COL4A1: variants seen among roughly 807,000 people sequenced by gnomAD.
COL4A1 encodes collagen alpha-1(IV) chain.
A neutral mutation model predicts 216.6 loss-of-function variants in COL4A1; 40 were observed. That is an observed-to-expected ratio of 0.18 (90% confidence interval 0.14 to 0.24). The LOEUF is 0.24. Among genes scored for constraint, COL4A1 ranks in the 10% least tolerant of loss-of-function variants. The pLI, the probability that COL4A1 is intolerant of heterozygous loss-of-function variation, is 1.00. For missense variants in COL4A1, 1,628 were observed against 2,196.8 expected, an observed-to-expected ratio of 0.74 and a Z score of 5.18; for synonymous variants, 839 against 810.7, an observed-to-expected ratio of 1.03 and a Z score of -0.59.
intron 1 of COL4A1, among the ~76,000 whole-genome samples, chr13:110,264,884 C>T (rs555912404): frequency 3.3e-4 from 50 of 152,220 alleles, no homozygotes; most frequent in Non-Finnish European, 6.0e-4. Context: ...ACCACGTGAT[C>T]CCAGGGCATT....
chr13:110,259,524 C>T (rs1882731614), intron 1 of COL4A1, among the ~76,000 whole-genome samples: 1 of 152,198 alleles, frequency 6.6e-6, no homozygotes, highest in African/African-American at 2.4e-5. Flanking sequence ...TTCTGTTGCA[C>T]TCTGCTGACT....
chr13:110,198,078 G>GGTGCGT (rs1878988209), intron 21 of COL4A1, among the ~76,000 whole-genome samples: 1 of 141,842 alleles, frequency 7.1e-6, no homozygotes, highest in Admixed American at 7.0e-5. Context: ...TTGTTTCTGG[G>GGTGCGT]GTGTGTGTGT....
In COL4A1 at chr13:110,179,411, C is replaced by G. The variant is rs936274247; in HGVS notation, c.2204G>C (p.Gly735Ala). ...ACCTTTGAGTCCCGGTAGACCAACT[C>G]CAGGCTCTCCCTGAAAATCCCCAAA... ...PGVQGQKGEP[G>A]VGLPGLKGLP... The change falls in exon 30 of 52, where the codon GGA (glycine) becomes GCA (alanine). Residue 735 changes from glycine (G) to alanine (A), a missense_variant. Coordinates refer to ENST00000375820, the MANE Select transcript of COL4A1 (RefSeq NM_001845.6). The G allele has an allele frequency of 4.3e-6, 7 of 1,614,016 alleles. No homozygotes were observed. The African/African-American group carries it at 8.0e-5, about 18-fold the overall frequency.
chr13:110,194,714 G>A (rs940352767), intron 22 of COL4A1, among the ~76,000 whole-genome samples: 3 of 152,102 alleles, frequency 2.0e-5, no homozygotes, highest in Non-Finnish European at 4.4e-5. Context: ...GAAAGATTGC[G>A]GTAACAAATC....
chr13:110,252,506 TG>T (rs1882139978), intron 1 of COL4A1, among the ~76,000 whole-genome samples: 1 of 4,870 alleles, frequency 2.1e-4, no homozygotes, highest in African/African-American at 2.4e-4. Flanking sequence ...TACGTATATA[TG>T]TATTATATAT....
chr13:110,175,381 T>A (rs1310654022), intron 36 of COL4A1, 24 bp from the exon 37 acceptor site: 1 of 1,613,986 alleles, frequency 6.2e-7, no homozygotes, highest in Admixed American at 1.7e-5. Flanking sequence ...CAATTGAAAC[T>A]TGATTTGGGC....
At chr13:110,158,500 A>G (rs1876900311) in intron 49 of COL4A1, among the ~76,000 whole-genome samples, 1 of 152,224 alleles carries the variant, frequency 6.6e-6, no homozygotes. Flanking sequence ...GGTGACTCCA[A>G]GCATTTGCTT....
intron 2 of COL4A1, among the ~76,000 whole-genome samples, chr13:110,222,788 AAAAAAAAAAAG>A: frequency 7.8e-6 from 1 of 127,460 alleles, no homozygotes; most frequent in Non-Finnish European, 1.8e-5. Flanking sequence ...AAAAAAAAAA[AAAAAAAAAAAG>A]AATTAAGGCT....
At position 110,186,436 on chromosome 13, in the gene COL4A1, C is replaced by T; in HGVS notation, c.1846G>A (p.Asp616Asn). The T allele has an allele frequency of 6.2e-7, 1 of 1,613,792 alleles. No individual in the cohort carries two copies. Among genetic ancestry groups the T allele is most frequent in the Non-Finnish European group, 8.5e-7 (1 of 1,180,034 alleles). Residue 616 changes from aspartate to asparagine, a missense_variant, in exon 26 of 52, where the codon GAC becomes AAC. Around this residue, in one of 8 missense-constraint regions of COL4A1, gnomAD observed 701 missense variants for 892.5 expected, o/e 0.79. Transcript: ENST00000375820. Reference protein sequence around the residue: ...PGYGPAGPIGDKGQAGFPGGP... With the variant: ...PGYGPAGPIGNKGQAGFPGGP... ...CCAGGAAAGCCTGCTTGTCCTTTGTCACCAATGGGACCAGCAGGACCATAT... is the reference window on the plus strand; with the variant it reads ...CCAGGAAAGCCTGCTTGTCCTTTGTTACCAATGGGACCAGCAGGACCATAT...
chr13:110,192,084 C>T (rs901138356), intron 24 of COL4A1, 130 bp downstream of exon 24: 18 of 929,404 alleles, frequency 1.9e-5, no homozygotes, highest in African/African-American at 4.8e-5. Flanking sequence ...CCAGAGGGCT[C>T]GACACAGCAA....
chr13:110,236,216 C>A (rs1326723025), intron 2 of COL4A1, among the ~76,000 whole-genome samples: 5 of 152,206 alleles, frequency 3.3e-5, no homozygotes, highest in South Asian at 4.1e-4. Flanking sequence ...TGCAATGTCT[C>A]TGGCAATGGG....
intron 2 of COL4A1, among the ~76,000 whole-genome samples, chr13:110,237,827 G>A (rs1881390181): frequency 6.6e-6 from 1 of 152,164 alleles, no homozygotes; most frequent in African/African-American, 2.4e-5. Flanking sequence ...AAATATCTAG[G>A]CGCTAAATGG....
At chr13:110,214,121 T>C (rs1283901146) in intron 2 of COL4A1, 106 bp from the exon 3 acceptor site, 39 of 864,778 alleles carry the variant, frequency 4.5e-5, no homozygotes, top group Non-Finnish European at 6.8e-5. Flanking sequence ...TGAGATGGAG[T>C]CTCATTCTGT....
intron 2 of COL4A1, among the ~76,000 whole-genome samples, chr13:110,214,239 C>T (rs552499462): frequency 8.8e-4 from 134 of 152,192 alleles, no homozygotes; most frequent in African/African-American, 3.1e-3. Flanking sequence ...TACAGGCGTG[C>T]GCCACCACGC....
intron 1 of COL4A1, among the ~76,000 whole-genome samples, chr13:110,289,262 A>C (rs58715265): frequency 0.13 from 19,191 of 152,114 alleles, 1,233 homozygotes; most frequent in South Asian, 0.19. Flanking sequence ...AGAGGGCTGG[A>C]GTGATGAGTT....
At chr13:110,212,818 C>T (rs774631409) in intron 4 of COL4A1, among the ~76,000 whole-genome samples, 200 bp from the exon 5 acceptor site, 4 of 152,172 alleles carry the variant, frequency 2.6e-5, no homozygotes, top group Non-Finnish European at 4.4e-5. Flanking sequence ...CAATGCTACA[C>T]CCAAAGCACA....
rs182105238 is a variant in COL4A1, at chr13:110,212,525, G to A, written c.325-46C>T. The A allele has an allele frequency of 8.1e-5, 131 of 1,614,162 alleles. No homozygotes were observed. The African/African-American group carries it at 1.2e-3, about 15-fold the overall frequency. ...ATGTAACCCAGGCAGAAAATCGCCT[G>A]ATGGAAGAATATTTCATAAAAGAAG... is the stretch of plus-strand genomic sequence containing the variant. On this transcript the variant is annotated intron_variant, in intron 5 of 51. Transcript: ENST00000375820.
chr13:110,170,210 G>A (rs1184447570), intron 42 of COL4A1, among the ~76,000 whole-genome samples: 1 of 152,036 alleles, frequency 6.6e-6, no homozygotes, highest in Non-Finnish European at 1.5e-5. Context: ...GTGGTGCCCG[G>A]GCATCTGTGC....
At chr13:110,297,231 G>C (rs1485779063) in intron 1 of COL4A1, among the ~76,000 whole-genome samples, 1 of 152,098 alleles carries the variant, frequency 6.6e-6, no homozygotes, top group Non-Finnish European at 1.5e-5. Flanking sequence ...GGGGTGGGGG[G>C]GCCAGCCACC....
Sources: allele counts gnomAD v4.1 joint callset (sites outside exome capture counted in the v4.1 genomes callset), GRCh38; gene constraint gnomAD v4.1.1; regional missense constraint gnomAD v4.1.1; transcripts MANE v1.5; gene names NCBI Gene and HGNC (gene_info 2026-07-23, HGNC 2026-07-21).